The following NFAT5 variants were observed in gnomAD, a reference collection of about 807,000 sequenced individuals.
NFAT5 encodes nuclear factor of activated T-cells 5.
NFAT5 carries 31 observed loss-of-function variants against 166.5 expected under a neutral mutation model. The observed-to-expected ratio is 0.19, with a 90% CI of 0.14 to 0.25. The LOEUF is 0.25. NFAT5 is among the 10% of genes least tolerant of loss of function. The pLI, the probability that NFAT5 is intolerant of heterozygous loss-of-function variation, is 1.00. For synonymous variants in NFAT5, 612 were observed against 639.7 expected, an observed-to-expected ratio of 0.96 and a Z score of 0.65; for missense variants, 1,449 against 1,821.8, an observed-to-expected ratio of 0.80 and a Z score of 3.72.
Position 69,692,508 on chromosome 16 carries a change from T to C in NFAT5, c.2683T>C (p.Ser895Pro). 1 of 1,614,126 alleles carries C rather than the reference T, an allele frequency of 6.2e-7. No homozygotes were observed. Among genetic ancestry groups the C allele is most frequent in the Non-Finnish European group, 8.5e-7 (1 of 1,180,030 alleles). The change falls in exon 13 of 15, where the codon TCT becomes CCT. Residue 895 changes from serine (S) to proline (P), a missense_variant. By Grantham distance (74) the Ser-to-Pro change is moderately conservative. Around this residue, in one of 7 missense-constraint regions of NFAT5, gnomAD observed 891 missense variants for 993.0 expected, o/e 0.90. Coordinates refer to ENST00000349945, the MANE Select transcript of NFAT5 (RefSeq NM_138713.4). ...TCATCCACAGTCTGAAAACACGTTATCTAATCAACAGCAGCAGCAGCAGCA... is the reference window on the plus strand; with the variant it reads ...TCATCCACAGTCTGAAAACACGTTACCTAATCAACAGCAGCAGCAGCAGCA... ...SVHPQSENTL[S>P]NQQQQQQQQQ...
intron 2 of NFAT5, among the ~76,000 whole-genome samples, chr16:69,623,081 G>A (rs893472250): frequency 2.6e-5 from 4 of 152,084 alleles, no homozygotes; most frequent in Admixed American, 2.0e-4. Context: ...TGAGGCGGAG[G>A]TTGTGGTGAG....
intron 4 of NFAT5, chr16:69,649,562 C>G: frequency 1.0e-6 from 1 of 983,628 alleles, no homozygotes; most frequent in South Asian, 4.7e-5. Flanking sequence ...TGTCCAGCTT[C>G]TTAGGTAATG....
intron 4 of NFAT5, among the ~76,000 whole-genome samples, chr16:69,652,222 C>T (rs932115461): frequency 1.1e-4 from 16 of 151,832 alleles, no homozygotes; most frequent in South Asian, 2.1e-4. Flanking sequence ...GAGACTGAGG[C>T]GGGAGGATCA....
chr16:69,587,944 C>CTTTTTTTTT (rs61460423), intron 2 of NFAT5, among the ~76,000 whole-genome samples: 1 of 68,232 alleles, frequency 1.5e-5, no homozygotes. Context: ...ATAGTGCTTT[C>CTTTTTTTTT]TTTTTTTTTT....
chr16:69,669,562 G>A (rs941056273), intron 7 of NFAT5, among the ~76,000 whole-genome samples: 1 of 152,082 alleles, frequency 6.6e-6, no homozygotes, highest in Non-Finnish European at 1.5e-5. Flanking sequence ...AAAGATTTTA[G>A]ATTTTTGGAT....
intron 14 of NFAT5, among the ~76,000 whole-genome samples, chr16:69,695,942 A>G (rs1434822224): frequency 6.6e-6 from 1 of 152,200 alleles, no homozygotes; most frequent in Non-Finnish European, 1.5e-5. Flanking sequence ...GTGAAACAGA[A>G]GTGAATTTCA....
chr16:69,647,489 A>T lies in NFAT5; in HGVS notation c.715A>T (p.Asn239Tyr). 1 of 1,612,730 alleles carries T rather than the reference A, an allele frequency of 6.2e-7. No individual in the cohort carries two copies. Among genetic ancestry groups the T allele is most frequent in the Non-Finnish European group, 8.5e-7 (1 of 1,180,010 alleles). ...GVKRRDCEES[N>Y]MDIFDADSAK... is the part of the protein sequence containing the mutation. ...CAAACGACGAGATTGTGAAGAATCTAATATGGATATATTTGATGCCGACAG... is the reference window on the plus strand; with the variant it reads ...CAAACGACGAGATTGTGAAGAATCTTATATGGATATATTTGATGCCGACAG... Residue 239 changes from asparagine to tyrosine, a missense_variant, in exon 4 of 15, where the codon AAT becomes TAT. Coordinates refer to ENST00000349945, the MANE Select transcript of NFAT5 (RefSeq NM_138713.4). This position sits in a 1 kb window ranked among gnomAD's most constrained non-coding sequence, Gnocchi z 4.8.
At chr16:69,575,282 C>T (rs1237512549) in intron 2 of NFAT5, among the ~76,000 whole-genome samples, 1 of 152,252 alleles carries the variant, frequency 6.6e-6, no homozygotes, top group African/African-American at 2.4e-5. Flanking sequence ...ATTCTCCTGC[C>T]TCAGCCTCAT....
chr16:69,638,336 T>A (rs2035056621), intron 3 of NFAT5, among the ~76,000 whole-genome samples: 1 of 152,238 alleles, frequency 6.6e-6, no homozygotes, highest in South Asian at 2.1e-4. Flanking sequence ...GGATCTAACG[T>A]ACACTTTACT....
At chr16:69,597,701 C>T (rs2032880602) in intron 2 of NFAT5, among the ~76,000 whole-genome samples, 2 of 152,040 alleles carry the variant, frequency 1.3e-5, no homozygotes, top group South Asian at 4.1e-4. Flanking sequence ...ACACCATTCT[C>T]CTTCCTCAGC....
chr16:69,703,495 G>A lies in NFAT5; in HGVS notation c.*7144G>A, dbSNP rs548691448. ...TGATTCATTTCATTTTAATCTCCTT[G>A]TGTAATTCAGTACCTCCATAATTGT... On this transcript the variant is annotated 3_prime_UTR_variant, in exon 15 of 15. Transcript: ENST00000349945. 1.3e-5 allele frequency: 2 copies of A among 152,662 alleles called. No individual in the cohort carries two copies. The highest frequency in any genetic ancestry group is 2.1e-4 in the South Asian group (1 of 4,824). 9.5% of individuals were successfully genotyped at this position (152,662 alleles called of 1,614,324 possible). A position where few individuals can be genotyped will look rare whatever the true frequency, so the allele number is the denominator to read the frequency against.
intron 3 of NFAT5, among the ~76,000 whole-genome samples, chr16:69,636,123 C>A (rs2034955815): frequency 6.6e-6 from 1 of 152,130 alleles, no homozygotes; most frequent in Non-Finnish European, 1.5e-5. Context: ...TTACAGGGCC[C>A]ATGCAAGTCC....
intron 2 of NFAT5, among the ~76,000 whole-genome samples, chr16:69,622,225 T>G (rs1257760380): frequency 2.6e-5 from 4 of 152,062 alleles, no homozygotes; most frequent in Non-Finnish European, 4.4e-5. Flanking sequence ...AAAAGAAGAG[T>G]TTAAATGATG....
chr16:69,600,300 A>G (rs2033057968), intron 2 of NFAT5, among the ~76,000 whole-genome samples: 2 of 152,196 alleles, frequency 1.3e-5, no homozygotes, highest in African/African-American at 4.8e-5. Context: ...GAGTTTATTG[A>G]TAACCAAGCA....
intron 6 of NFAT5, among the ~76,000 whole-genome samples, chr16:69,656,634 T>TA (rs2035892362): frequency 6.6e-6 from 1 of 151,984 alleles, no homozygotes. Flanking sequence ...GTATTTTTAG[T>TA]AGAGTCGGGG....
At chr16:69,668,179 G>T (rs1321055414) in intron 7 of NFAT5, among the ~76,000 whole-genome samples, 1 of 151,986 alleles carries the variant, frequency 6.6e-6, no homozygotes, top group Non-Finnish European at 1.5e-5. Flanking sequence ...TGTTGGCCAG[G>T]CTGACCAACT....
chr16:69,681,092 A>G (rs775468024), intron 10 of NFAT5, among the ~76,000 whole-genome samples: 2 of 152,184 alleles, frequency 1.3e-5, no homozygotes, highest in African/African-American at 2.4e-5. Context: ...AATCTTTTCA[A>G]GTGTCCATGA....
At chr16:69,631,860 G>A (rs556461932) in intron 3 of NFAT5, among the ~76,000 whole-genome samples, 4 of 152,112 alleles carry the variant, frequency 2.6e-5, no homozygotes, top group Non-Finnish European at 5.9e-5. Flanking sequence ...TGGAAATCTT[G>A]GTTGAATATC....
intron 2 of NFAT5, among the ~76,000 whole-genome samples, chr16:69,604,245 T>C (rs983230988): frequency 6.6e-6 from 1 of 152,190 alleles, no homozygotes; most frequent in African/African-American, 2.4e-5. Flanking sequence ...TAAATTTCTC[T>C]CTTGGTTGGG....
Sources: gnomAD v4.1 joint callset for allele counts (sites outside exome capture counted in the v4.1 genomes callset) on GRCh38, gnomAD v4.1.1 for gene constraint, gnomAD v4.1.1 regional missense constraint, Gnocchi (gnomAD v3.1) non-coding constraint, MANE v1.5 for transcripts, NCBI Gene and HGNC (gene_info 2026-07-23, HGNC 2026-07-21) for gene names.